The following ESR2 variants were observed in gnomAD, a reference collection of about 807,000 sequenced individuals.
The protein encoded by ESR2 is estrogen receptor beta.
A neutral mutation model predicts 49.6 loss-of-function variants in ESR2; 36 were observed. That is an observed-to-expected ratio of 0.73 (90% confidence interval 0.56 to 0.96). The LOEUF is 0.96. Ranked by LOEUF, ESR2 falls within the 40% of genes least tolerant of loss-of-function variation. The pLI is 0.00. For synonymous variants in ESR2, 320 were observed against 266.1 expected (o/e 1.20, Z -1.97); for missense variants, 714 against 693.0 (o/e 1.03, Z -0.34).
At chr14:64,234,284 T>G (rs2098730233) in intron 8 of ESR2, 1 of 152,602 alleles carries the variant, frequency 6.6e-6, no homozygotes, top group Non-Finnish European at 1.5e-5. Context: ...CAGTGACCAG[T>G]TAATTACCTT....
chr14:64,238,429 CAT>C (rs1256434939), intron 7 of ESR2, among the ~76,000 whole-genome samples: 6 of 152,148 alleles, frequency 3.9e-5, no homozygotes, highest in Non-Finnish European at 7.3e-5. Flanking sequence ...TCATTGATCA[CAT>C]AGAAAAGAAA....
At chr14:64,336,939 T>C (rs1222909159) in intron 1 of ESR2, among the ~76,000 whole-genome samples, 1 of 152,216 alleles carries the variant, frequency 6.6e-6, no homozygotes, top group Non-Finnish European at 1.5e-5. Flanking sequence ...TTCCTTGCCC[T>C]TTTAATTTAC....
At chr14:64,316,347 C>A (rs2077255168) in intron 1 of ESR2, among the ~76,000 whole-genome samples, 1 of 152,054 alleles carries the variant, frequency 6.6e-6, no homozygotes, top group Non-Finnish European at 1.5e-5. Flanking sequence ...TAACAGAAAT[C>A]TCCATATCCG....
At chr14:64,259,719 A>G (rs2076173217) in intron 5 of ESR2, among the ~76,000 whole-genome samples, 1 of 152,208 alleles carries the variant, frequency 6.6e-6, no homozygotes, top group Non-Finnish European at 1.5e-5. Context: ...TTATGGGCCC[A>G]TTGATGATTC....
chr14:64,233,587 G>A (rs1023482895), intron 8 of ESR2: 12 of 427,992 alleles, frequency 2.8e-5, no homozygotes, highest in East Asian at 7.2e-5. Flanking sequence ...CATTGTTTGC[G>A]GTAATTATGT....
At chr14:64,227,859 T>C (rs531237514), downstream of ESR2, 25 of 1,594,362 alleles carry the variant, frequency 1.6e-5, no homozygotes, top group African/African-American at 2.7e-4. Context: ...ATTGCCCACA[T>C]GCAAGGGACA....
At chr14:64,259,886 CTCCTT>C (rs1489750088) in intron 5 of ESR2, among the ~76,000 whole-genome samples, 3 of 152,236 alleles carry the variant, frequency 2.0e-5, no homozygotes, top group Non-Finnish European at 4.4e-5. Flanking sequence ...TACCCCACCC[CTCCTT>C]TCAAGGTGAG....
chr14:64,245,375 G>C (rs2075828982), intron 7 of ESR2, among the ~76,000 whole-genome samples: 1 of 151,876 alleles, frequency 6.6e-6, no homozygotes, highest in Admixed American at 6.6e-5. Flanking sequence ...AGCCAGGCGT[G>C]GTGGTGGGTG....
downstream of ESR2, chr14:64,227,869 A>G (rs781731091): frequency 4.4e-6 from 7 of 1,595,966 alleles, no homozygotes; most frequent in Middle Eastern, 1.6e-4. Context: ...TGCAAGGGAC[A>G]TTTTCACATG....
intron 1 of ESR2, among the ~76,000 whole-genome samples, chr14:64,328,873 T>C (rs777989564): frequency 1.6e-4 from 25 of 152,336 alleles, no homozygotes; most frequent in Non-Finnish European, 2.8e-4. Context: ...CTAAAGACTC[T>C]TTGTATTTCA....
At chr14:64,244,862 A>C (rs1567737491) in intron 7 of ESR2, among the ~76,000 whole-genome samples, 2 of 152,184 alleles carry the variant, frequency 1.3e-5, no homozygotes, top group Non-Finnish European at 2.9e-5. Context: ...GGAGAAACCT[A>C]ACACACCCAT....
chr14:64,227,166 C>T, downstream of ESR2: 1 of 260,884 alleles, frequency 3.8e-6, no homozygotes, highest in South Asian at 7.1e-5. Flanking sequence ...CAGCTGACCA[C>T]ACAATCCCAG....
At chr14:64,331,283 C>T (rs745321074) in intron 1 of ESR2, among the ~76,000 whole-genome samples, 1 of 152,124 alleles carries the variant, frequency 6.6e-6, no homozygotes, top group Admixed American at 6.5e-5. Flanking sequence ...GATTTCATAA[C>T]GATAAAAGGG....
At chr14:64,296,387 C>A (rs573128203), upstream of ESR2, among the ~76,000 whole-genome samples, 2 of 152,178 alleles carry the variant, frequency 1.3e-5, no homozygotes, top group Non-Finnish European at 2.9e-5. Context: ...AGACAGCTAC[C>A]GCTTATTGGA....
intron 1 of ESR2, among the ~76,000 whole-genome samples, chr14:64,303,948 G>A (rs2140871148): frequency 6.6e-6 from 1 of 152,316 alleles, no homozygotes; most frequent in Admixed American, 6.5e-5. Flanking sequence ...TGTTTATAAA[G>A]GCAAAAGAAA....
upstream of ESR2, among the ~76,000 whole-genome samples, chr14:64,296,065 AATC>A (rs1322317006): frequency 1.3e-5 from 2 of 150,284 alleles, no homozygotes; most frequent in Non-Finnish European, 3.0e-5. Context: ...AAAAAAAAAA[AATC>A]AGCTTCATTT....
intron 1 of ESR2, among the ~76,000 whole-genome samples, chr14:64,284,235 T>C (rs896114046): frequency 2.0e-5 from 3 of 148,424 alleles, no homozygotes; most frequent in African/African-American, 7.5e-5. Flanking sequence ...GGCCTACGTA[T>C]CAGTTTTGAA....
rs988738277 is a variant in ESR2, at chr14:64,230,759, G to A, written c.*2378C>T. Reference sequence around the variant, plus strand: ...CTCAGCTGGAAACTCACTGTGCGGCGCTCCTGATACTGCCCACTCGAGGCT... The same window carrying A: ...CTCAGCTGGAAACTCACTGTGCGGCACTCCTGATACTGCCCACTCGAGGCT... On this transcript the variant is annotated 3_prime_UTR_variant, in exon 9 of 9. Transcript: ENST00000341099. 1.3e-5 allele frequency among the ~76,000 whole-genome samples: 2 copies of A among 151,178 alleles called. No individual in the cohort carries two copies. Among genetic ancestry groups the A allele is most frequent in the Admixed American group, 6.6e-5 (1 of 15,156 alleles).
intron 4 of ESR2, among the ~76,000 whole-genome samples, chr14:64,264,897 A>G (rs2076298391): frequency 6.6e-6 from 1 of 151,986 alleles, no homozygotes; most frequent in Admixed American, 6.6e-5. Context: ...AAAGAAAAAA[A>G]AAAAAGCACC....
Sources: allele counts gnomAD v4.1 joint callset (sites outside exome capture counted in the v4.1 genomes callset), GRCh38; gene constraint gnomAD v4.1.1; transcripts MANE v1.5; gene names NCBI Gene and HGNC (gene_info 2026-07-23, HGNC 2026-07-21).